The following ADAM12 variants were observed in gnomAD, a reference collection of about 807,000 sequenced individuals.
ADAM12 encodes the protein ADAM metallopeptidase domain 12, also known as disintegrin and metalloproteinase domain-containing protein 12.
A neutral mutation model predicts 106.4 loss-of-function variants in ADAM12; 70 were observed. The observed-to-expected ratio is 0.66, with a 90% CI of 0.54 to 0.80. The LOEUF (loss-of-function observed/expected upper bound fraction) is 0.80. Among genes scored for constraint, ADAM12 ranks in the 30% least tolerant of loss-of-function variants. The pLI is 0.00. For missense variants in ADAM12, 1,010 were observed against 1,171.9 expected (o/e 0.86, Z 2.02); for synonymous variants, 420 against 433.5 (o/e 0.97, Z 0.39).
At chr10:126,248,275 T>G (rs1181570219) in intron 3 of ADAM12, among the ~76,000 whole-genome samples, 1 of 152,148 alleles carries the variant, frequency 6.6e-6, no homozygotes, top group African/African-American at 2.4e-5. Flanking sequence ...AATGAACAAA[T>G]GAACTCGGAA....
chr10:126,305,973 T>TTC (rs1960827556), intron 2 of ADAM12, among the ~76,000 whole-genome samples: 2 of 152,062 alleles, frequency 1.3e-5, no homozygotes, highest in South Asian at 4.1e-4. Flanking sequence ...TTATATATAC[T>TTC]TCATTTCTGT....
intron 4 of ADAM12, among the ~76,000 whole-genome samples, chr10:126,138,944 G>A (rs1462309386): frequency 6.6e-6 from 1 of 151,924 alleles, no homozygotes; most frequent in Non-Finnish European, 1.5e-5. Flanking sequence ...ACAGCTAGTT[G>A]TTCCAGAACC....
At chr10:126,209,692 G>C (rs917420818) in intron 3 of ADAM12, among the ~76,000 whole-genome samples, 4 of 152,212 alleles carry the variant, frequency 2.6e-5, no homozygotes, top group African/African-American at 9.6e-5. Context: ...TTTTCAGAAA[G>C]AGGGTGACAA....
intron 2 of ADAM12, among the ~76,000 whole-genome samples, chr10:126,285,505 T>A (rs560279849): frequency 6.6e-6 from 1 of 152,218 alleles, no homozygotes; most frequent in Non-Finnish European, 1.5e-5. Context: ...CAGTTTATTA[T>A]AGAATTTTTC....
In ADAM12 at chr10:126,137,696, T is replaced by A. The variant is rs559362619; in HGVS notation, c.340-2036A>T. Reference sequence around the variant, plus strand: ...AGCATGGTGTTCTCAAGTTCATTCATACTGAGGCATGCATTAGAATGTCAT... The same window carrying A: ...AGCATGGTGTTCTCAAGTTCATTCAAACTGAGGCATGCATTAGAATGTCAT... On this transcript the variant is annotated intron_variant, in intron 4 of 22. Transcript: ENST00000448723. Among the ~76,000 whole-genome samples the A allele has an allele frequency of 1.1e-4, 17 of 152,338 alleles. No individual in the cohort carries two copies. The East Asian group carries it at 3.3e-3, about 29-fold the overall frequency.
chr10:126,094,140 G>A lies in ADAM12; in HGVS notation c.997-7C>T. 2 of 1,613,252 alleles carry A rather than the reference G, an allele frequency of 1.2e-6. No individual in the cohort carries two copies. Among genetic ancestry groups the A allele is most frequent in the Non-Finnish European group, 1.7e-6 (2 of 1,179,558 alleles). On this transcript the variant is annotated splice_polypyrimidine_tract_variant and splice_region_variant and intron_variant, in intron 10 of 22. Coordinates refer to ENST00000448723, the MANE Select transcript of ADAM12 (RefSeq NM_001288973.2). ...GGGGATTGTCTGAATGGTCCTCAAA[G>A]AAAACACAAAAGTACAGGTGTATAA...
At chr10:126,241,044 A>G (rs774228752) in intron 3 of ADAM12, among the ~76,000 whole-genome samples, 6 of 150,592 alleles carry the variant, frequency 4.0e-5, no homozygotes, top group Non-Finnish European at 8.9e-5. Flanking sequence ...CATAAAAAGC[A>G]AGGAAGTTCT....
rs1854913695 is a variant in ADAM12, at chr10:126,341,119, CAG to C, written c.89-10612_89-10611del. On this transcript the variant is annotated intron_variant, in intron 1 of 22. Transcript: ENST00000448723. ...AAGTCTCTGCTCAAATGTTACCCCT[CAG>C]AGAGTCTTCCCTATTTAAATACTTT... Among the ~76,000 whole-genome samples, 4 of 152,170 alleles carry C rather than the reference CAG, an allele frequency of 2.6e-5. 1 individual carries two copies. The South Asian group carries it at 8.3e-4, about 32-fold the overall frequency.
intron 16 of ADAM12, among the ~76,000 whole-genome samples, chr10:126,046,599 T>C (rs1455617658): frequency 1.3e-5 from 2 of 150,940 alleles, no homozygotes. Flanking sequence ...GGTCAGGAGA[T>C]CGAGACTCTC....
At chr10:126,321,528 A>G (rs1333311988) in intron 2 of ADAM12, among the ~76,000 whole-genome samples, 1 of 152,210 alleles carries the variant, frequency 6.6e-6, no homozygotes. Flanking sequence ...GACACAGTTG[A>G]AACAAGTACA....
At chr10:126,128,275 A>G (rs1480246331) in intron 5 of ADAM12, among the ~76,000 whole-genome samples, 1 of 152,152 alleles carries the variant, frequency 6.6e-6, no homozygotes, top group Non-Finnish European at 1.5e-5. Flanking sequence ...GAGCTGGGTC[A>G]GTACCTGGTG....
intron 21 of ADAM12, among the ~76,000 whole-genome samples, chr10:126,028,231 T>C (rs1953912611): frequency 1.3e-5 from 2 of 152,050 alleles, no homozygotes; most frequent in Admixed American, 1.3e-4. Context: ...AAAGAAGCAA[T>C]ATGAAAATGG....
chr10:126,244,872 T>C (rs1958598530), intron 3 of ADAM12, among the ~76,000 whole-genome samples: 1 of 152,210 alleles, frequency 6.6e-6, no homozygotes, highest in Non-Finnish European at 1.5e-5. Context: ...ATTGGAGTTG[T>C]ACATTAGCAA....
chr10:126,200,341 A>AT (rs1957675643), intron 3 of ADAM12, among the ~76,000 whole-genome samples: 3 of 152,218 alleles, frequency 2.0e-5, no homozygotes, highest in Admixed American at 2.0e-4. Context: ...ACACGATCAG[A>AT]TGCCTTCAAG....
intron 3 of ADAM12, among the ~76,000 whole-genome samples, chr10:126,165,535 C>T (rs1430591713): frequency 6.6e-6 from 1 of 152,134 alleles, no homozygotes; most frequent in Non-Finnish European, 1.5e-5. Flanking sequence ...TAATTGCCTG[C>T]TTGATAAGGA....
At chr10:126,381,405 G>A (rs879353098) in intron 1 of ADAM12, among the ~76,000 whole-genome samples, 4 of 151,964 alleles carry the variant, frequency 2.6e-5, no homozygotes, top group Non-Finnish European at 4.4e-5. Flanking sequence ...TTGGGGGGCT[G>A]CGGCAGGAGG....
intron 3 of ADAM12, among the ~76,000 whole-genome samples, chr10:126,268,672 C>T (rs1959148993): frequency 6.6e-6 from 1 of 152,198 alleles, no homozygotes; most frequent in African/African-American, 2.4e-5. Context: ...TTGCAGTTTT[C>T]CCATGCATGT....
rs559320811 is a variant in ADAM12 at position 126,075,371 on chromosome 10, T to G, written c.1146-3717A>C. Reference sequence around the variant, plus strand: ...AACAGCCTATCACACATCATTCCATTATTCCCCAAGTATTTATTCAACACC... The same window carrying G: ...AACAGCCTATCACACATCATTCCATGATTCCCCAAGTATTTATTCAACACC... On this transcript the variant is annotated intron_variant, in intron 11 of 22. Transcript: ENST00000448723. Among the ~76,000 whole-genome samples the G allele has an allele frequency of 1.8e-3, 273 of 152,298 alleles. 2 individuals carry two copies. Among genetic ancestry groups the G allele is most frequent in the Non-Finnish European group, 3.4e-3 (229 of 68,022 alleles).
intron 3 of ADAM12, among the ~76,000 whole-genome samples, chr10:126,186,712 G>A (rs2927509): frequency 0.23 from 35,645 of 151,996 alleles, 9,043 homozygotes; most frequent in African/African-American, 0.63. Flanking sequence ...GGGGGCAAGA[G>A]GCAGGTCATC....
Sources: gnomAD v4.1 joint callset for allele counts (sites outside exome capture counted in the v4.1 genomes callset) on GRCh38, gnomAD v4.1.1 for gene constraint, MANE v1.5 for transcripts, NCBI Gene and HGNC (gene_info 2026-07-23, HGNC 2026-07-21) for gene names.